The following ASB4 variants were observed in gnomAD, a reference collection of about 807,000 sequenced individuals.
ASB4 encodes ankyrin repeat and SOCS box containing 4.
In ASB4, 35 loss-of-function variants were observed where a neutral mutation model predicts 38.6. The ratio of observed to expected loss-of-function variants is 0.91; its 90% CI spans 0.69 to 1.20. ASB4 has a LOEUF of 1.20. ASB4 is among the 50% of genes most tolerant of loss of function. ASB4 has a pLI of 0.00. For missense variants in ASB4, 557 were observed against 527.2 expected (o/e 1.06, Z -0.55); for synonymous variants, 195 against 201.3 (o/e 0.97, Z 0.26).
At chr7:95,496,915 C>T (rs963088863) in intron 2 of ASB4, among the ~76,000 whole-genome samples, 5 of 151,826 alleles carry the variant, frequency 3.3e-5, no homozygotes, top group South Asian at 2.1e-4. Flanking sequence ...TAAAAAAGAA[C>T]GCCGAGAGGA....
In ASB4 at chr7:95,528,278, G is replaced by A; in HGVS notation, c.953G>A (p.Arg318Gln). 1.2e-6 allele frequency: 2 copies of A among 1,614,104 alleles called. No homozygotes were observed. The highest frequency in any genetic ancestry group is 8.5e-7 in the Non-Finnish European group (1 of 1,180,020). The change falls in exon 3 of 5, where the codon CGA (arginine) becomes CAA (glutamine). Residue 318 changes from arginine to glutamine, a missense_variant. By Grantham distance (43) the Arg-to-Gln change is conservative. Transcript: ENST00000325885. ...YQLLLNHGAA[R>Q]IYPPQFHKVI... is the part of the protein sequence containing the mutation. ...CTCCTGTTGAACCATGGGGCTGCCC[G>A]AATATACCCTCCACAGTTCCATAAG... is the stretch of plus-strand genomic sequence containing the variant.
chr7:95,526,126 A>T (rs1790733008), intron 2 of ASB4, among the ~76,000 whole-genome samples: 1 of 152,190 alleles, frequency 6.6e-6, no homozygotes, highest in Non-Finnish European at 1.5e-5. Flanking sequence ...TTTCCTTCAG[A>T]AAAGTAATAT....
intron 2 of ASB4, among the ~76,000 whole-genome samples, chr7:95,522,139 TTA>T (rs1457194878): frequency 1.3e-5 from 2 of 152,176 alleles, no homozygotes; most frequent in African/African-American, 4.8e-5. Flanking sequence ...GTTCTCTCTT[TTA>T]TATATAAACA....
intron 1 of ASB4, among the ~76,000 whole-genome samples, chr7:95,479,673 T>G (rs961937965): frequency 2.6e-5 from 4 of 152,172 alleles, no homozygotes; most frequent in Admixed American, 2.6e-4. Flanking sequence ...AACAAAACTA[T>G]CATCAATTAT....
intron 4 of ASB4, 90 bp from the exon 5 acceptor site, chr7:95,537,481 C>T (rs909708883): frequency 2.4e-5 from 27 of 1,120,996 alleles, no homozygotes; most frequent in African/African-American, 6.2e-5. Flanking sequence ...GCTGCCATTA[C>T]GTATAGAGGT....
the ASB4 span, among the ~76,000 whole-genome samples, chr7:95,549,300 C>CTTTTTTTTTTTTTTTT: frequency 4.8e-5 from 4 of 83,078 alleles, no homozygotes; most frequent in African/African-American, 1.9e-4. Context: ...TAGGAGACTC[C>CTTTTTTTTTTTTTTTT]ATTTTTTTTT....
At position 95,537,772 on chromosome 7, in the gene ASB4, A is replaced by C; in HGVS notation, c.*13A>C. 1 of 1,607,430 alleles carries C rather than the reference A, an allele frequency of 6.2e-7. No individual in the cohort carries two copies. ...AATTATTTATTAAGCCTTATGAGAC[A>C]GCAGTTCCCAATCCTAGGTATTTAA... On this transcript the variant is annotated 3_prime_UTR_variant, in exon 5 of 5. Transcript: ENST00000325885.
downstream of ASB4, chr7:95,544,156 C>A (rs970246437): frequency 6.6e-6 from 1 of 152,010 alleles, no homozygotes; most frequent in Admixed American, 6.6e-5. Context: ...TTCTTTTTAT[C>A]AAAAGCTAAA....
chr7:95,514,927 C>A (rs898584943), intron 2 of ASB4, among the ~76,000 whole-genome samples: 1 of 152,164 alleles, frequency 6.6e-6, no homozygotes, highest in Non-Finnish European at 1.5e-5. Flanking sequence ...GGAGAAAAAA[C>A]TTCCCTCTTC....
intron 2 of ASB4, among the ~76,000 whole-genome samples, chr7:95,515,838 CT>C (rs1189520186): frequency 6.6e-6 from 1 of 152,220 alleles, no homozygotes; most frequent in Non-Finnish European, 1.5e-5. Flanking sequence ...ATCACCCTTG[CT>C]TTTGCTGCTG....
At chr7:95,533,757 T>C (rs1324190476) in intron 3 of ASB4, among the ~76,000 whole-genome samples, 1 of 152,190 alleles carries the variant, frequency 6.6e-6, no homozygotes, top group Non-Finnish European at 1.5e-5. Flanking sequence ...GGGATGAATA[T>C]AGGACCAACC....
At chr7:95,480,506 A>G (rs1401806384) in intron 1 of ASB4, among the ~76,000 whole-genome samples, 1 of 152,238 alleles carries the variant, frequency 6.6e-6, no homozygotes, top group Non-Finnish European at 1.5e-5. Context: ...GTTAGGTCAC[A>G]AAAGATGTTG....
At chr7:95,493,682 G>A (rs1472997627) in intron 1 of ASB4, among the ~76,000 whole-genome samples, 1 of 152,144 alleles carries the variant, frequency 6.6e-6, no homozygotes, top group East Asian at 1.9e-4. Flanking sequence ...TTTCTGTCCT[G>A]ATCCCCCAAC....
chr7:95,527,689 T>G, intron 2 of ASB4, 124 bp from the exon 3 acceptor site: 1 of 960,916 alleles, frequency 1.0e-6, no homozygotes, highest in African/African-American at 1.6e-5. Flanking sequence ...GGGTTGAGGG[T>G]TGGGGATAAT....
chr7:95,551,058 G>A, the ASB4 span, among the ~76,000 whole-genome samples: 1 of 152,242 alleles, frequency 6.6e-6, no homozygotes, highest in African/African-American at 2.4e-5. Context: ...TTGGCTCACT[G>A]CAACCTCCAA....
chr7:95,550,047 A>G, the ASB4 span, among the ~76,000 whole-genome samples: 3 of 152,188 alleles, frequency 2.0e-5, no homozygotes, highest in Admixed American at 1.3e-4. Flanking sequence ...CCATAATAGG[A>G]GGTTAGCTGA....
At chr7:95,491,926 C>A (rs779622287) in intron 1 of ASB4, among the ~76,000 whole-genome samples, 1 of 152,178 alleles carries the variant, frequency 6.6e-6, no homozygotes, top group Non-Finnish European at 1.5e-5. Context: ...CTGAATTATT[C>A]AAAAATCCCT....
intron 2 of ASB4, among the ~76,000 whole-genome samples, chr7:95,506,496 C>A (rs1046516493): frequency 6.6e-6 from 1 of 152,136 alleles, no homozygotes; most frequent in Non-Finnish European, 1.5e-5. Context: ...ACCATACATG[C>A]ACCCCAGTGC....
chr7:95,548,277 GTC>G, the ASB4 span, among the ~76,000 whole-genome samples: 1 of 152,176 alleles, frequency 6.6e-6, no homozygotes, highest in East Asian at 1.9e-4. Flanking sequence ...ATAGTGATAA[GTC>G]TCTGTACTTT....
Sources: gnomAD v4.1 joint callset for allele counts (sites outside exome capture counted in the v4.1 genomes callset) on GRCh38, gnomAD v4.1.1 for gene constraint, MANE v1.5 for transcripts, NCBI Gene and HGNC (gene_info 2026-07-23, HGNC 2026-07-21) for gene names.